SBF2: variants seen among roughly 807,000 people sequenced by gnomAD.
SBF2 encodes myotubularin-related protein 13.
In SBF2, 112 loss-of-function variants were observed where a neutral mutation model predicts 225.2. The ratio of observed to expected loss-of-function variants is 0.50; its 90% CI spans 0.43 to 0.58. SBF2 has a LOEUF of 0.58. Among genes scored for constraint, SBF2 ranks in the 20% least tolerant of loss-of-function variants. The pLI is 0.00. For missense variants in SBF2, 1,996 were observed against 2,206.2 expected, an observed-to-expected ratio of 0.90 and a Z score of 1.91; for synonymous variants, 763 against 773.3, an observed-to-expected ratio of 0.99 and a Z score of 0.22.
At chr11:9,855,536 A>C (rs1414755721) in intron 19 of SBF2, among the ~76,000 whole-genome samples, 1 of 152,214 alleles carries the variant, frequency 6.6e-6, no homozygotes, top group South Asian at 2.1e-4. Context: ...ATAGAATTTC[A>C]CTACTGTTGG....
intron 2 of SBF2, among the ~76,000 whole-genome samples, chr11:10,050,301 T>C (rs977590084): frequency 2.6e-5 from 4 of 152,190 alleles, no homozygotes; most frequent in African/African-American, 9.7e-5. Flanking sequence ...CAACTTTTTA[T>C]AACCATATAC....
At chr11:10,011,061 T>C (rs910892750) in intron 6 of SBF2, among the ~76,000 whole-genome samples, 1 of 151,608 alleles carries the variant, frequency 6.6e-6, no homozygotes. Context: ...ATAGGAATGC[T>C]TGAGATTCCT....
intron 1 of SBF2, among the ~76,000 whole-genome samples, chr11:10,267,844 T>C (rs1962141836): frequency 6.6e-6 from 1 of 152,144 alleles, no homozygotes; most frequent in African/African-American, 2.4e-5. Flanking sequence ...ATATAGTAAT[T>C]TACATTTTCA....
intron 17 of SBF2, among the ~76,000 whole-genome samples, chr11:9,874,059 C>CAAA (rs11353618): frequency 6.7e-6 from 1 of 149,828 alleles, no homozygotes; most frequent in Non-Finnish European, 1.5e-5. Flanking sequence ...GACTTTGTCT[C>CAAA]AAAAAAAAAA....
chr11:10,031,619 T>C (rs899563289), intron 3 of SBF2, among the ~76,000 whole-genome samples: 2 of 152,254 alleles, frequency 1.3e-5, no homozygotes, highest in Non-Finnish European at 2.9e-5. Context: ...CTTGTCTCAA[T>C]GTCTCAAACA....
chr11:10,131,261 T>C (rs1370102705), intron 2 of SBF2, among the ~76,000 whole-genome samples: 1 of 151,952 alleles, frequency 6.6e-6, no homozygotes, highest in African/African-American at 2.4e-5. Flanking sequence ...GGTCTGGCTC[T>C]GTTGCCCAGG....
At chr11:9,833,363 A>G (rs531450064) in intron 26 of SBF2, among the ~76,000 whole-genome samples, 1 of 152,160 alleles carries the variant, frequency 6.6e-6, no homozygotes, top group Admixed American at 6.6e-5. Flanking sequence ...AATATTACAC[A>G]AAACAGATTT....
intron 25 of SBF2, among the ~76,000 whole-genome samples, chr11:9,840,924 T>A (rs1248772662): frequency 2.6e-5 from 4 of 151,406 alleles, no homozygotes; most frequent in Non-Finnish European, 4.4e-5. Flanking sequence ...TTTTTTTTTT[T>A]AAAGAACATT....
intron 16 of SBF2, among the ~76,000 whole-genome samples, chr11:9,932,541 A>C (rs189581931): frequency 6.6e-6 from 1 of 152,182 alleles, no homozygotes; most frequent in African/African-American, 2.4e-5. Flanking sequence ...AAGCTTCATA[A>C]ATGAAGGAGA....
chr11:10,282,879 G>A (rs1184430890), intron 1 of SBF2, among the ~76,000 whole-genome samples: 1 of 152,032 alleles, frequency 6.6e-6, no homozygotes, highest in East Asian at 1.9e-4. Flanking sequence ...CTGATATACA[G>A]AGCTTTTCAC....
At chr11:9,784,807 A>G (rs2133849217) in intron 37 of SBF2, 2 of 505,224 alleles carry the variant, frequency 4.0e-6, no homozygotes, top group South Asian at 2.1e-5. Flanking sequence ...TTCAGCTAGC[A>G]TAAGCTGGAT....
intron 2 of SBF2, among the ~76,000 whole-genome samples, chr11:10,193,684 T>C (rs902752390): frequency 6.6e-6 from 1 of 151,994 alleles, no homozygotes; most frequent in African/African-American, 2.4e-5. Context: ...GAAATTTAAA[T>C]GAGAAAAAGA....
At chr11:9,862,021 T>C (rs531182383) in intron 17 of SBF2, among the ~76,000 whole-genome samples, 3 of 152,310 alleles carry the variant, frequency 2.0e-5, no homozygotes, top group African/African-American at 4.8e-5. Flanking sequence ...GAAGTGACTA[T>C]AGTACAAACA....
intron 29 of SBF2, among the ~76,000 whole-genome samples, chr11:9,815,832 G>A (rs548852612): frequency 6.6e-6 from 1 of 152,290 alleles, no homozygotes; most frequent in South Asian, 2.1e-4. Flanking sequence ...TTACCCAGCA[G>A]TTTTATGCCC....
intron 26 of SBF2, among the ~76,000 whole-genome samples, chr11:9,833,709 C>G (rs993295194): frequency 1.3e-5 from 2 of 149,854 alleles, no homozygotes; most frequent in Admixed American, 1.3e-4. Context: ...CATGAGCCAC[C>G]GTGCCCAGCT....
At chr11:10,142,512 A>C (rs1050085928) in intron 2 of SBF2, among the ~76,000 whole-genome samples, 2 of 152,212 alleles carry the variant, frequency 1.3e-5, no homozygotes, top group Non-Finnish European at 2.9e-5. Context: ...AAATTCCTGA[A>C]GTCCCATTAT....
Position 10,294,174 on chromosome 11 carries a change from G to C in SBF2, c.-105C>G, listed in dbSNP as rs1417787281. On this transcript the variant is annotated 5_prime_UTR_variant, in exon 1 of 40. Transcript: ENST00000256190. ...GCATTTTCCCTGCAGCGGCAGTAGCGGCAGCGGCAGCGCTTCAGCCATGTT... is the reference window on the plus strand; with the variant it reads ...GCATTTTCCCTGCAGCGGCAGTAGCCGCAGCGGCAGCGCTTCAGCCATGTT... The C allele has an allele frequency of 1.4e-5, 12 of 836,770 alleles. No homozygotes were observed. The highest frequency in any genetic ancestry group is 1.1e-4 in the East Asian group (3 of 28,172). 51.8% of individuals were successfully genotyped at this position (836,770 alleles called of 1,614,324 possible). A position where few individuals can be genotyped will look rare whatever the true frequency, so the allele number is the denominator to read the frequency against.
At chr11:9,877,252 A>C (rs1005699243) in intron 17 of SBF2, among the ~76,000 whole-genome samples, 9 of 151,906 alleles carry the variant, frequency 5.9e-5, no homozygotes, top group Non-Finnish European at 1.0e-4. Flanking sequence ...AATAAATAAT[A>C]CTCTACCGTT....
At chr11:9,958,782 A>G in intron 16 of SBF2, 1 of 501,236 alleles carries the variant, frequency 2.0e-6, no homozygotes, top group Non-Finnish European at 3.9e-6. Context: ...TTGAGAAGAC[A>G]CGGGCAGATG....
Sources: gnomAD v4.1 joint callset for allele counts (sites outside exome capture counted in the v4.1 genomes callset) on GRCh38, gnomAD v4.1.1 for gene constraint, MANE v1.5 for transcripts, NCBI Gene and HGNC (gene_info 2026-07-23, HGNC 2026-07-21) for gene names.